CHRM3: variants seen among roughly 807,000 people sequenced by gnomAD.
CHRM3 encodes muscarinic acetylcholine receptor M3.
In CHRM3, 11 loss-of-function variants were observed where a neutral mutation model predicts 41.8. The ratio of observed to expected loss-of-function variants is 0.26; its 90% CI spans 0.17 to 0.44. The LOEUF (loss-of-function observed/expected upper bound fraction) is 0.44, where lower values mean the gene tolerates loss of function less well. Ranked by LOEUF, CHRM3 falls within the 20% of genes least tolerant of loss-of-function variation. The pLI is 1.00. For synonymous variants in CHRM3, 297 were observed against 301.4 expected (o/e 0.99, Z 0.15); for missense variants, 571 against 745.4 (o/e 0.77, Z 2.72).
intron 1 of CHRM3, among the ~76,000 whole-genome samples, chr1:239,421,830 A>G (rs942192575): frequency 2.0e-5 from 3 of 151,418 alleles, no homozygotes; most frequent in Admixed American, 6.6e-5. Context: ...GCCAAACCAC[A>G]CCATACTGAT....
intron 2 of CHRM3, among the ~76,000 whole-genome samples, chr1:239,540,752 G>T (rs1658695328): frequency 6.6e-6 from 1 of 151,844 alleles, no homozygotes; most frequent in African/African-American, 2.4e-5. Context: ...TTTATATTCT[G>T]TATTTTGCAT....
chr1:239,408,421 G>A (rs1232367317), intron 1 of CHRM3, among the ~76,000 whole-genome samples: 1 of 151,714 alleles, frequency 6.6e-6, no homozygotes, highest in African/African-American at 2.4e-5. Flanking sequence ...CTGCTGGGAA[G>A]GCTGAGGCAG....
intron 6 of CHRM3, among the ~76,000 whole-genome samples, chr1:239,839,219 T>C (rs1438759721): frequency 6.6e-6 from 1 of 152,264 alleles, no homozygotes; most frequent in Non-Finnish European, 1.5e-5. Flanking sequence ...GGACTGAAAC[T>C]TGGATAGGTC....
intron 2 of CHRM3, among the ~76,000 whole-genome samples, chr1:239,506,340 A>G (rs1193483599): frequency 1.3e-5 from 2 of 152,148 alleles, no homozygotes; most frequent in Non-Finnish European, 2.9e-5. Context: ...TGTGCAGCCT[A>G]GGGACTTGGT....
chr1:239,404,468 A>AAGTAAGAG (rs397954107), intron 1 of CHRM3, among the ~76,000 whole-genome samples: 2 of 90,294 alleles, frequency 2.2e-5, no homozygotes, highest in Non-Finnish European at 5.0e-5. Flanking sequence ...GAAAGAAAGA[A>AAGTAAGAG]AAAGAAAGAA....
intron 1 of CHRM3, among the ~76,000 whole-genome samples, chr1:239,462,316 T>C (rs1665417782): frequency 6.6e-6 from 1 of 152,162 alleles, no homozygotes; most frequent in African/African-American, 2.4e-5. Context: ...CCCTGGGTTA[T>C]ACCAGGTTAG....
chr1:239,872,816 C>G (rs1368055016), intron 6 of CHRM3, among the ~76,000 whole-genome samples: 2 of 152,010 alleles, frequency 1.3e-5, no homozygotes, highest in African/African-American at 2.4e-5. Context: ...ATGAACAGAC[C>G]TCAAAAATCA....
chr1:239,524,528 G>C (rs1669865003), intron 2 of CHRM3, among the ~76,000 whole-genome samples: 1 of 151,954 alleles, frequency 6.6e-6, no homozygotes, highest in Non-Finnish European at 1.5e-5. Flanking sequence ...TTGGATAAAT[G>C]TAATTAAGAA....
chr1:239,415,968 A>C (rs545880938), intron 1 of CHRM3, among the ~76,000 whole-genome samples: 1 of 152,230 alleles, frequency 6.6e-6, no homozygotes, highest in Admixed American at 6.5e-5. Context: ...GAAGAAAAGC[A>C]GACCCTGAAT....
chr1:239,447,417 C>T (rs1206525857), intron 1 of CHRM3, among the ~76,000 whole-genome samples: 1 of 151,854 alleles, frequency 6.6e-6, no homozygotes, highest in African/African-American at 2.4e-5. Context: ...GAGAGAATGG[C>T]AGGAGGGAAA....
At chr1:239,764,614 C>G (rs1271194568) in intron 5 of CHRM3, among the ~76,000 whole-genome samples, 1 of 152,194 alleles carries the variant, frequency 6.6e-6, no homozygotes, top group African/African-American at 2.4e-5. Context: ...CACTTTATCT[C>G]CTTTCCCAGT....
chr1:239,690,078 T>G (rs1659568564), intron 5 of CHRM3, among the ~76,000 whole-genome samples: 1 of 147,076 alleles, frequency 6.8e-6, no homozygotes, highest in Non-Finnish European at 1.5e-5. Flanking sequence ...CAGAGAGAGT[T>G]GTTGGGTGGA....
intron 2 of CHRM3, among the ~76,000 whole-genome samples, chr1:239,497,178 G>A (rs191150806): frequency 5.9e-5 from 9 of 152,138 alleles, no homozygotes; most frequent in Admixed American, 1.3e-4. Flanking sequence ...TTTGGGTTAG[G>A]CACCCCACAT....
chr1:239,700,907 C>A (rs1236165836), intron 5 of CHRM3, among the ~76,000 whole-genome samples: 1 of 152,144 alleles, frequency 6.6e-6, no homozygotes, highest in East Asian at 1.9e-4. Flanking sequence ...TTTGAAAGGG[C>A]AGCTCCCTTG....
intron 1 of CHRM3, among the ~76,000 whole-genome samples, chr1:239,400,512 C>G (rs1659877711): frequency 6.6e-6 from 1 of 151,848 alleles, no homozygotes; most frequent in African/African-American, 2.4e-5. Flanking sequence ...GAGATCTTAC[C>G]CAAAAGTTCT....
intron 1 of CHRM3, among the ~76,000 whole-genome samples, chr1:239,390,882 A>G (rs1254514442): frequency 1.3e-5 from 2 of 152,218 alleles, no homozygotes; most frequent in Non-Finnish European, 1.5e-5. Context: ...CATGCCAGTA[A>G]TGGCAGCAGT....
At chr1:239,901,222 G>A (rs890469176) in intron 6 of CHRM3, among the ~76,000 whole-genome samples, 2 of 152,118 alleles carry the variant, frequency 1.3e-5, no homozygotes, top group Admixed American at 1.3e-4. Flanking sequence ...GCATTTAAAA[G>A]CAACAGCAGA....
chr1:239,828,312 G>A (rs997504582), intron 6 of CHRM3, among the ~76,000 whole-genome samples: 1 of 151,678 alleles, frequency 6.6e-6, no homozygotes, highest in Non-Finnish European at 1.5e-5. Context: ...AAATATACAC[G>A]TGTGTATACA....
At chr1:239,417,975 G>C (rs1661635954) in intron 1 of CHRM3, among the ~76,000 whole-genome samples, 1 of 152,164 alleles carries the variant, frequency 6.6e-6, no homozygotes, top group South Asian at 2.1e-4. Context: ...GCTATGTCTT[G>C]ATAAGAAAGC....
Sources: gnomAD v4.1 joint callset for allele counts (sites outside exome capture counted in the v4.1 genomes callset) on GRCh38, gnomAD v4.1.1 for gene constraint, MANE v1.5 for transcripts, NCBI Gene and HGNC (gene_info 2026-07-23, HGNC 2026-07-21) for gene names.